The following TNFSF10 variants were observed in gnomAD, a reference collection of about 807,000 sequenced individuals.
The protein encoded by TNFSF10 is TNF superfamily member 10.
In TNFSF10, 13 loss-of-function variants were observed where a neutral mutation model predicts 29.5. That is an observed-to-expected ratio of 0.44 (90% CI 0.29 to 0.70). The LOEUF (loss-of-function observed/expected upper bound fraction) is 0.70, where lower values mean the gene tolerates loss of function less well. Ranked by LOEUF, TNFSF10 falls within the 30% of genes least tolerant of loss-of-function variation. The pLI, the probability that TNFSF10 is intolerant of heterozygous loss-of-function variation, is 0.13. For synonymous variants in TNFSF10, 111 were observed against 112.8 expected (o/e 0.98, Z 0.10); for missense variants, 345 against 330.9 (o/e 1.04, Z -0.33).
At position 172,511,782 on chromosome 3, in the gene TNFSF10, A is replaced by C. The variant is rs745841242; in HGVS notation, c.271-123T>G. ...TTCTACATGCATTATCAATCTGGGA[A>C]GTTTTAAGTTGGTCAAGCATAGGGT... On this transcript the variant is annotated intron_variant, in intron 2 of 4. Coordinates refer to ENST00000241261, the MANE Select transcript of TNFSF10 (RefSeq NM_003810.4). The C allele has an allele frequency of 1.6e-4, 119 of 758,758 alleles. 1 individual carries two copies. Among genetic ancestry groups the C allele is most frequent in the South Asian group, 1.3e-3 (78 of 58,524 alleles). The allele number at this position is 758,758 out of a possible 1,614,324, so 47.0% of individuals were successfully genotyped here.
In TNFSF10 at chr3:172,506,780, G is replaced by A. The variant is rs1713003426; in HGVS notation, c.558C>T (p.Ser186=). The change falls in exon 5 of 5, where the codon TCC becomes TCT. Residue 186 remains serine, a synonymous_variant. Coordinates refer to ENST00000241261, the MANE Select transcript of TNFSF10 (RefSeq NM_003810.4). ...IHEKGFYYIY[S]QTYFRFQEEI... Reference sequence around the variant, plus strand: ...CCTCCTGAAATCGAAAGTATGTTTGGGAATAGATGTAGTAAAACCCTTTTT... The same window carrying A: ...CCTCCTGAAATCGAAAGTATGTTTGAGAATAGATGTAGTAAAACCCTTTTT... 2 of 1,614,100 alleles carry A rather than the reference G, an allele frequency of 1.2e-6. No homozygotes were observed. The highest frequency in any genetic ancestry group is 8.5e-7 in the Non-Finnish European group (1 of 1,180,026).
chr3:172,508,877 G>C (rs967116437), intron 4 of TNFSF10, among the ~76,000 whole-genome samples: 7 of 112,814 alleles, frequency 6.2e-5, no homozygotes, highest in Non-Finnish European at 9.3e-5. Context: ...CAACAAACGT[G>C]AAACTCTGTC....
At chr3:172,508,446 T>C (rs957366144) in intron 4 of TNFSF10, among the ~76,000 whole-genome samples, 2 of 152,074 alleles carry the variant, frequency 1.3e-5, no homozygotes, top group African/African-American at 2.4e-5. Flanking sequence ...TGGTCAAATA[T>C]TGGCAATCTC....
In TNFSF10 at chr3:172,511,585, A is replaced by C. The variant is rs769144333; in HGVS notation, c.313+32T>G. The C allele has an allele frequency of 8.2e-6, 13 of 1,581,006 alleles. No homozygotes were observed. The East Asian group carries it at 2.7e-4, about 33-fold the overall frequency. On this transcript the variant is annotated intron_variant, in intron 3 of 4. Coordinates refer to ENST00000241261, the MANE Select transcript of TNFSF10 (RefSeq NM_003810.4). ...ACAACCTGTCATGAAGATGACAGTA[A>C]AAAATTAAAATAACAACAAAAAAGA...
At chr3:172,522,422 G>T in intron 1 of TNFSF10, 1 of 1,530,698 alleles carries the variant, frequency 6.5e-7, no homozygotes, top group Non-Finnish European at 9.0e-7. Flanking sequence ...ACCCATTTGT[G>T]TTTGAAAGCA....
intron 3 of TNFSF10, among the ~76,000 whole-genome samples, chr3:172,510,160 G>A (rs761346764): frequency 5.3e-5 from 8 of 152,176 alleles, no homozygotes; most frequent in Non-Finnish European, 1.0e-4. Context: ...CACTGACCAT[G>A]TCCTCAAGGG....
intron 2 of TNFSF10, among the ~76,000 whole-genome samples, chr3:172,513,640 GTAT>G (rs1713314332): frequency 6.6e-6 from 1 of 152,112 alleles, no homozygotes; most frequent in South Asian, 2.1e-4. Context: ...CAACATAACA[GTAT>G]TTATATGGAG....
intron 4 of TNFSF10, among the ~76,000 whole-genome samples, chr3:172,508,187 C>G (rs533610807): frequency 6.6e-6 from 1 of 151,666 alleles, no homozygotes; most frequent in African/African-American, 2.4e-5. Flanking sequence ...CCCAGCTACT[C>G]GGGAAGCTGA....
intron 2 of TNFSF10, among the ~76,000 whole-genome samples, chr3:172,512,048 A>ATG (rs369852605): frequency 3.9e-5 from 6 of 151,950 alleles, no homozygotes; most frequent in African/African-American, 9.7e-5. Context: ...GTGCACATTC[A>ATG]TGTGTGTGTG....
chr3:172,506,899 G>A lies in TNFSF10; in HGVS notation c.439C>T (p.Leu147=). 6.2e-7 allele frequency: 1 copy of A among 1,605,148 alleles called. No individual in the cohort carries two copies. Among genetic ancestry groups the A allele is most frequent in the Non-Finnish European group, 8.5e-7 (1 of 1,177,110 alleles). ...TCCCAGGAGTTTATTTTGCGGCCCA[G>A]AGCCTTTTCATTCTTGGAGTCTGTA... ...SSPNSKNEKA[L]GRKINSWESS... is the part of the protein sequence containing the mutation. Residue 147 remains leucine (L), a synonymous_variant, in exon 5 of 5, where the codon CTG becomes TTG. Coordinates refer to ENST00000241261, the MANE Select transcript of TNFSF10 (RefSeq NM_003810.4).
rs762811124 is a variant in TNFSF10, at chr3:172,506,443, G to A, written c.*49C>T. ...AAACATCTTCATAGTGTATCATCCT[G>A]AAAACTGAATAGTCACTTTGAGGTT... On this transcript the variant is annotated 3_prime_UTR_variant, in exon 5 of 5. Coordinates refer to ENST00000241261, the MANE Select transcript of TNFSF10 (RefSeq NM_003810.4). The A allele has an allele frequency of 1.3e-6, 2 of 1,532,584 alleles. No individual in the cohort carries two copies. Among genetic ancestry groups the A allele is most frequent in the East Asian group, 4.5e-5 (2 of 44,434 alleles). 94.9% of individuals were successfully genotyped at this position (1,532,584 alleles called of 1,614,324 possible).
intron 1 of TNFSF10, chr3:172,518,118 C>T (rs1713516974): frequency 2.9e-6 from 3 of 1,021,186 alleles, no homozygotes; most frequent in African/African-American, 3.4e-5. Context: ...TATGAGTTTC[C>T]TGCAGCATAT....
At chr3:172,510,077 T>C (rs996936162) in intron 3 of TNFSF10, among the ~76,000 whole-genome samples, 3 of 152,138 alleles carry the variant, frequency 2.0e-5, no homozygotes, top group African/African-American at 7.2e-5. Flanking sequence ...GTAAATTATA[T>C]TCTTTCATCA....
rs1213511552 is a variant in TNFSF10, at chr3:172,511,720, T to A, written c.271-61A>T. 4 of 1,419,456 alleles carry A rather than the reference T, an allele frequency of 2.8e-6. No individual in the cohort carries two copies. In the South Asian group the frequency reaches 4.9e-5, roughly 18 times the overall value. 87.9% of individuals were successfully genotyped at this position (1,419,456 alleles called of 1,614,324 possible). ...CTAAAAATTTAAACTGACTATAGAA[T>A]GCCTATGGCTCATCTTGCTGATGTC... On this transcript the variant is annotated intron_variant, in intron 2 of 4. Coordinates refer to ENST00000241261, the MANE Select transcript of TNFSF10 (RefSeq NM_003810.4).
At chr3:172,509,414 G>T in intron 3 of TNFSF10, 93 bp from the exon 4 acceptor site, 1 of 816,672 alleles carries the variant, frequency 1.2e-6, no homozygotes, top group Non-Finnish European at 1.9e-6. Context: ...GCCATCGTAA[G>T]CATACTGGGC....
intron 1 of TNFSF10, chr3:172,517,548 TC>T: frequency 1.0e-6 from 1 of 984,862 alleles, no homozygotes; most frequent in Non-Finnish European, 1.2e-6. Context: ...AATAAGTAAA[TC>T]ACAAAAACAA....
intron 4 of TNFSF10, 89 bp downstream of exon 4, chr3:172,509,128 A>G: frequency 9.1e-7 from 1 of 1,100,648 alleles, no homozygotes; most frequent in Non-Finnish European, 1.3e-6. Context: ...CCATATAAAC[A>G]TTTCAGATAA....
chr3:172,506,835 T>A lies in TNFSF10; in HGVS notation c.503A>T (p.His168Leu), dbSNP rs747848614. 1.9e-6 allele frequency: 3 copies of A among 1,614,194 alleles called. No individual in the cohort carries two copies. Among genetic ancestry groups the A allele is most frequent in the Non-Finnish European group, 2.5e-6 (3 of 1,180,026 alleles). Reference protein sequence around the residue: ...RSGHSFLSNLHLRNGELVIHE... With the variant: ...RSGHSFLSNLLLRNGELVIHE... ...GATGACCAGTTCACCATTCCTCAAG[T>A]GCAAGTTGCTCAGGAATGAATGCCC... is the stretch of plus-strand genomic sequence containing the variant. The change falls in exon 5 of 5, where the codon CAC (histidine) becomes CTC (leucine). Residue 168 changes from histidine to leucine, a missense_variant. Coordinates refer to ENST00000241261, the MANE Select transcript of TNFSF10 (RefSeq NM_003810.4).
At chr3:172,513,617 G>C (rs748627847) in intron 2 of TNFSF10, among the ~76,000 whole-genome samples, 3 of 152,160 alleles carry the variant, frequency 2.0e-5, no homozygotes, top group Non-Finnish European at 2.9e-5. Flanking sequence ...TTATCAGCTT[G>C]ATCCCTAACC....
Sources: gnomAD v4.1 joint callset for allele counts (sites outside exome capture counted in the v4.1 genomes callset) on GRCh38, gnomAD v4.1.1 for gene constraint, MANE v1.5 for transcripts, NCBI Gene and HGNC (gene_info 2026-07-23, HGNC 2026-07-21) for gene names.